The following MAP3K15 variants were observed in gnomAD, a reference collection of about 807,000 sequenced individuals.
MAP3K15 encodes the protein mitogen-activated protein kinase kinase kinase 15, also known as MAPK/ERK kinase kinase 15.
A neutral mutation model predicts 99.5 loss-of-function variants in MAP3K15; 124 were observed. That is an observed-to-expected ratio of 1.25 (90% CI 1.08 to 1.45). The LOEUF (loss-of-function observed/expected upper bound fraction) is 1.45, where lower values mean the gene tolerates loss of function less well. Ranked by LOEUF, MAP3K15 falls within the 40% of genes most tolerant of loss-of-function variation. The pLI, the probability that MAP3K15 is intolerant of heterozygous loss-of-function variation, is 0.00. For missense variants in MAP3K15, 1,242 were observed against 1,079.7 expected (o/e 1.15, Z -2.11); for synonymous variants, 494 against 439.6 (o/e 1.12, Z -1.55).
At chrX:19,473,956 CTTTG>C (rs1335457971) in intron 3 of MAP3K15, among the ~76,000 whole-genome samples, 2 of 112,302 alleles carry the variant, frequency 1.8e-5, no homozygotes, top group Non-Finnish European at 3.8e-5. Flanking sequence ...TATTGCCTAA[CTTTG>C]TTTGTTTTGA....
At chrX:19,482,882 G>A (rs1157792459) in intron 3 of MAP3K15, among the ~76,000 whole-genome samples, 1 of 111,436 alleles carries the variant, frequency 9.0e-6, no homozygotes. Flanking sequence ...AAACCCAGAA[G>A]AGCTGCAGGT....
intron 19 of MAP3K15, 113 bp downstream of exon 19, chrX:19,380,007 A>T: frequency 4.8e-6 from 4 of 840,707 alleles, no homozygotes; most frequent in Non-Finnish European, 6.5e-6. Context: ...CCAATAATAA[A>T]ACTGTTTCCT....
At chrX:19,368,283 C>T (rs2063349953) in intron 25 of MAP3K15, among the ~76,000 whole-genome samples, 1 of 111,892 alleles carries the variant, frequency 8.9e-6, no homozygotes, top group Non-Finnish European at 1.9e-5. Flanking sequence ...GCTAAGATTA[C>T]AGGCGTGCGC....
At chrX:19,391,091 G>A (rs1404813599) in intron 18 of MAP3K15, among the ~76,000 whole-genome samples, 1 of 111,147 alleles carries the variant, frequency 9.0e-6, no homozygotes, top group African/African-American at 3.3e-5. Context: ...CAATGCTCAA[G>A]TTATTCCATT....
intron 6 of MAP3K15, among the ~76,000 whole-genome samples, chrX:19,452,778 C>G (rs1602321506): frequency 8.9e-6 from 1 of 112,228 alleles, no homozygotes; most frequent in East Asian, 2.8e-4. Flanking sequence ...CCATATGGTC[C>G]ATGATGGCTT....
chrX:19,502,309 T>C (rs2147424847), intron 1 of MAP3K15, among the ~76,000 whole-genome samples: 1 of 110,665 alleles, frequency 9.0e-6, no homozygotes, highest in African/African-American at 3.3e-5. Flanking sequence ...AGGGACTTGG[T>C]GGGAGGTGAC....
At chrX:19,388,673 G>A (rs776250098) in intron 18 of MAP3K15, among the ~76,000 whole-genome samples, 1 of 111,878 alleles carries the variant, frequency 8.9e-6, no homozygotes, top group South Asian at 3.7e-4. Context: ...GAGGCACATG[G>A]AGGTTAAGTA....
chrX:19,389,087 G>A (rs1182428204), intron 18 of MAP3K15, among the ~76,000 whole-genome samples: 5 of 110,364 alleles, frequency 4.5e-5, no homozygotes, highest in African/African-American at 1.3e-4. Flanking sequence ...TATCCACAAC[G>A]GGCAAAGCCA....
At chrX:19,365,538 C>T (rs1361728864) in intron 25 of MAP3K15, among the ~76,000 whole-genome samples, 4 of 112,764 alleles carry the variant, frequency 3.5e-5, no homozygotes, top group Non-Finnish European at 7.5e-5. Flanking sequence ...ATTAATCAGC[C>T]TCATGCAGGT....
chrX:19,372,985 T>C, intron 21 of MAP3K15, 158 bp from the exon 22 acceptor site: 1 of 450,379 alleles, frequency 2.2e-6, no homozygotes, highest in Non-Finnish European at 3.6e-6. Context: ...AGACATGCAG[T>C]GTTCTGTCAA....
At chrX:19,408,136 G>A (rs1017955788) in intron 12 of MAP3K15, among the ~76,000 whole-genome samples, 5 of 111,509 alleles carry the variant, frequency 4.5e-5, no homozygotes, top group Non-Finnish European at 9.4e-5. Context: ...AATCTGTAAA[G>A]CAACCACCAC....
intron 11 of MAP3K15, 96 bp downstream of exon 11, chrX:19,413,261 C>A (rs1602284699): frequency 1.7e-6 from 1 of 576,330 alleles, no homozygotes; most frequent in African/African-American, 2.3e-5. Context: ...TCTCATAATT[C>A]AGAAGTTAAA....
chrX:19,450,407 G>GA (rs2064028680), intron 6 of MAP3K15, among the ~76,000 whole-genome samples: 1 of 109,191 alleles, frequency 9.2e-6, no homozygotes, highest in Non-Finnish European at 1.9e-5. Context: ...CAATTCCAAA[G>GA]AAAAAAATTC....
intron 11 of MAP3K15, among the ~76,000 whole-genome samples, chrX:19,411,038 G>A (rs140762789): frequency 1.5e-3 from 169 of 110,264 alleles, no homozygotes; most frequent in African/African-American, 5.2e-3. Context: ...ACAAAAATGA[G>A]CTGAGCATGG....
rs1025821494 is a variant in MAP3K15, at chrX:19,459,982, T to C, written c.888+3A>G. On this transcript the variant is annotated splice_donor_region_variant and intron_variant, in intron 5 of 28. Transcript: ENST00000338883. ...GTGAGCCTCGGCTAGGTGGATTTCA[T>C]ACCTGGATATCACGGTAGGACAGGA... 5.3e-6 allele frequency: 6 copies of C among 1,138,318 alleles called. No individual in the cohort carries two copies. Among genetic ancestry groups the C allele is most frequent in the Non-Finnish European group, 7.0e-6 (6 of 863,168 alleles). The allele number at this position is 1,138,318 out of a possible 1,213,427, so 93.8% of individuals were successfully genotyped here.
chrX:19,496,185 G>A (rs1346165964), intron 1 of MAP3K15, among the ~76,000 whole-genome samples: 1 of 108,568 alleles, frequency 9.2e-6, no homozygotes, highest in African/African-American at 3.4e-5. Context: ...TTGTGCCTTA[G>A]CTTCCTGAGT....
intron 11 of MAP3K15, among the ~76,000 whole-genome samples, chrX:19,410,907 G>A (rs752733242): frequency 2.7e-5 from 3 of 111,670 alleles, no homozygotes; most frequent in Non-Finnish European, 3.8e-5. Context: ...TGGGCCAGGC[G>A]TGGTGGCTTA....
intron 6 of MAP3K15, among the ~76,000 whole-genome samples, chrX:19,433,345 G>A (rs2063898271): frequency 9.0e-6 from 1 of 111,638 alleles, no homozygotes; most frequent in African/African-American, 3.3e-5. Context: ...CACCAATGCA[G>A]GTGGCATCAC....
intron 6 of MAP3K15, among the ~76,000 whole-genome samples, chrX:19,448,515 C>CTGTT (rs1482091500): frequency 9.2e-6 from 1 of 108,299 alleles, no homozygotes; most frequent in Non-Finnish European, 1.9e-5. Flanking sequence ...TTTGACTTTA[C>CTGTT]TGTTATGGGG....
Sources: allele counts gnomAD v4.1 joint callset (sites outside exome capture counted in the v4.1 genomes callset), GRCh38; gene constraint gnomAD v4.1.1; transcripts MANE v1.5; gene names NCBI Gene and HGNC (gene_info 2026-07-23, HGNC 2026-07-21).